Variants in MAJIN observed in about 807,000 individuals in gnomAD.
The protein encoded by MAJIN is membrane anchored junction protein.
MAJIN carries 27 observed loss-of-function variants against 30.2 expected under a neutral mutation model. The ratio of observed to expected loss-of-function variants is 0.89; its 90% CI spans 0.66 to 1.23. The LOEUF (loss-of-function observed/expected upper bound fraction) is 1.23. MAJIN is among the 50% of genes most tolerant of loss of function. The pLI is 0.00. For missense variants in MAJIN, 253 were observed against 260.3 expected, an observed-to-expected ratio of 0.97 and a Z score of 0.19; for synonymous variants, 78 against 91.6, an observed-to-expected ratio of 0.85 and a Z score of 0.85.
At chr11:64,942,270 T>C (rs981599450) in intron 8 of MAJIN, among the ~76,000 whole-genome samples, 2 of 152,030 alleles carry the variant, frequency 1.3e-5, no homozygotes, top group East Asian at 1.9e-4. Flanking sequence ...TTTTTTCCCG[T>C]TTTTTAGAAT....
At chr11:64,971,017 G>A (rs937279975) in intron 1 of MAJIN, among the ~76,000 whole-genome samples, 6 of 152,132 alleles carry the variant, frequency 3.9e-5, no homozygotes, top group African/African-American at 7.2e-5. Flanking sequence ...GGGTGTGGCC[G>A]GGCAAAGCGG....
chr11:64,965,983 A>G (rs2136823181), intron 1 of MAJIN, among the ~76,000 whole-genome samples: 1 of 151,340 alleles, frequency 6.6e-6, no homozygotes, highest in Non-Finnish European at 1.5e-5. Context: ...AATTCACATC[A>G]TGCTGAATTC....
chr11:64,948,633 ATATATATTTTTTTTTTTTTTTTTTTTTTT>A (rs1945497002), intron 6 of MAJIN, among the ~76,000 whole-genome samples: 2 of 38,340 alleles, frequency 5.2e-5, no homozygotes, highest in African/African-American at 3.6e-4. Context: ...ATATATATAT[ATATATATTTTTTTTTTTTTTTTTTTTTTT>A]TTTTTTTTTT....
intron 4 of MAJIN, among the ~76,000 whole-genome samples, chr11:64,951,178 T>C (rs1945545452): frequency 6.6e-6 from 1 of 152,358 alleles, no homozygotes; most frequent in South Asian, 2.1e-4. Flanking sequence ...CTATGGTGTC[T>C]ACCATCATGA....
chr11:64,943,955 G>C (rs1201801614), intron 8 of MAJIN, among the ~76,000 whole-genome samples: 3 of 152,190 alleles, frequency 2.0e-5, no homozygotes, highest in African/African-American at 7.2e-5. Context: ...ATCACTCAGT[G>C]GGCCAGCTGG....
At chr11:64,957,180 C>T (rs1945649737) in intron 3 of MAJIN, among the ~76,000 whole-genome samples, 3 of 151,860 alleles carry the variant, frequency 2.0e-5, no homozygotes, top group Non-Finnish European at 2.9e-5. Flanking sequence ...TGGGGCCAAC[C>T]GATTCCTCCT....
chr11:64,960,034 C>A (rs897340367), intron 2 of MAJIN, 55 bp downstream of exon 2: 1 of 152,298 alleles, frequency 6.6e-6, no homozygotes, highest in Non-Finnish European at 1.5e-5. Flanking sequence ...TCCTTTCCCC[C>A]ACTTGTGAGG....
chr11:64,947,589 A>T, intron 7 of MAJIN, 124 bp from the exon 8 acceptor site: 1 of 1,071,278 alleles, frequency 9.3e-7, no homozygotes, highest in Non-Finnish European at 1.4e-6. Context: ...CCAGCTTTGC[A>T]AGTAAGAATA....
chr11:64,938,261 G>A lies in MAJIN; in HGVS notation c.*314C>T. ...TTCATAAATAATTTATTGTCATTAG[G>A]ATCCTAAGTGCCGAAGACAAAAGGC... is the stretch of plus-strand genomic sequence containing the variant. On this transcript the variant is annotated 3_prime_UTR_variant, in exon 11 of 11. Transcript: ENST00000301896. The A allele has an allele frequency of 2.4e-6, 1 of 415,834 alleles. No homozygotes were observed. Among genetic ancestry groups the A allele is most frequent in the Non-Finnish European group, 4.4e-6 (1 of 225,484 alleles). 25.8% of individuals were successfully genotyped at this position (415,834 alleles called of 1,614,324 possible). A position where few individuals can be genotyped will look rare whatever the true frequency, so the allele number is the denominator to read the frequency against.
intron 10 of MAJIN, 45 bp downstream of exon 10, chr11:64,939,617 T>C (rs1265169253): frequency 1.3e-6 from 2 of 1,553,426 alleles, no homozygotes; most frequent in Admixed American, 1.7e-5. Context: ...AATGAGCCGC[T>C]CTGAGCTGGA....
intron 8 of MAJIN, among the ~76,000 whole-genome samples, chr11:64,941,316 G>A (rs77955531): frequency 0.046 from 6,955 of 152,252 alleles, 183 homozygotes; most frequent in Middle Eastern, 0.065. Flanking sequence ...AATTTACCTT[G>A]GAGAAATGTA....
intron 8 of MAJIN, among the ~76,000 whole-genome samples, chr11:64,940,961 C>T (rs1039222942): frequency 4.0e-5 from 6 of 151,304 alleles, no homozygotes; most frequent in African/African-American, 1.5e-4. Flanking sequence ...CCCTCAGCCT[C>T]CTGAGTAGCT....
At chr11:64,953,072 A>G (rs1313426193) in intron 4 of MAJIN, among the ~76,000 whole-genome samples, 1 of 152,196 alleles carries the variant, frequency 6.6e-6, no homozygotes, top group Non-Finnish European at 1.5e-5. Context: ...TGAGCATAAG[A>G]GAAAGATGCA....
chr11:64,969,688 G>A (rs1219538950), intron 1 of MAJIN, among the ~76,000 whole-genome samples: 2 of 151,476 alleles, frequency 1.3e-5, no homozygotes, highest in African/African-American at 4.9e-5. Flanking sequence ...AGGCAGGCAA[G>A]ACTCTGTCTT....
chr11:64,959,379 C>T lies in MAJIN; in HGVS notation c.27G>A (p.Pro9=), dbSNP rs142880411. 62 of 1,613,670 alleles carry T rather than the reference C, an allele frequency of 3.8e-5. No homozygotes were observed. Among genetic ancestry groups the T allele is most frequent in the Middle Eastern group, 1.6e-4 (1 of 6,084 alleles). MSLKPFTY[P]FPETRFLHAG... is the part of the protein sequence containing the mutation. Reference sequence around the variant, plus strand: ...CATGAAGAAACCTCGTCTCTGGAAACGGGTAGGTAAAGGGTTTTAAACTCA... The same window carrying T: ...CATGAAGAAACCTCGTCTCTGGAAATGGGTAGGTAAAGGGTTTTAAACTCA... The change falls in exon 3 of 11, where the codon CCG becomes CCA. Residue 9 remains proline (P), a synonymous_variant. Transcript: ENST00000301896.
rs1196525730 is a variant in MAJIN at position 64,970,361 on chromosome 11, CT to C, written c.-65+1515del. 1.2e-3 allele frequency among the ~76,000 whole-genome samples: 81 copies of C among 66,038 alleles called. 1 individual carries two copies. Among genetic ancestry groups the C allele is most frequent in the Non-Finnish European group, 1.5e-3 (52 of 34,294 alleles). The allele number at this position is 66,038 out of a possible 152,430, so 43.3% of individuals were successfully genotyped here. On this transcript the variant is annotated intron_variant, in intron 1 of 10. Coordinates refer to ENST00000301896, the MANE Select transcript of MAJIN (RefSeq NM_001037225.3). ...CTGGGGGACAAGAGCAAGACTCCGT[CT>C]TTTTTTTTTTTTTTTTTTTTTTGAG...
chr11:64,956,484 G>A (rs902045003), intron 3 of MAJIN, among the ~76,000 whole-genome samples: 13 of 151,478 alleles, frequency 8.6e-5, no homozygotes, highest in Non-Finnish European at 1.2e-4. Context: ...AGTGAAACAC[G>A]GTCTCAAAAC....
At chr11:64,958,929 G>A (rs897393399) in intron 3 of MAJIN, among the ~76,000 whole-genome samples, 3 of 152,092 alleles carry the variant, frequency 2.0e-5, no homozygotes, top group South Asian at 4.2e-4. Flanking sequence ...CCAGCCCTGA[G>A]ATGTAAAATT....
At position 64,947,348 on chromosome 11, in the gene MAJIN, C is replaced by T. The variant is rs538298585; in HGVS notation, c.473+26G>A. On this transcript the variant is annotated intron_variant, in intron 8 of 10. Transcript: ENST00000301896. The stretch of plus-strand genomic sequence containing the variant: ...GCAAAGCCTAACTAGGACGCAGGAG[C>T]GAGCCTCTCTCCCCACACCACTGAC... The T allele has an allele frequency of 2.0e-4, 320 of 1,578,002 alleles. 2 individuals are homozygous for T. The highest frequency in any genetic ancestry group is 1.8e-3 in the South Asian group (162 of 87,952).
Sources: gnomAD v4.1 joint callset for allele counts (sites outside exome capture counted in the v4.1 genomes callset) on GRCh38, gnomAD v4.1.1 for gene constraint, MANE v1.5 for transcripts, NCBI Gene and HGNC (gene_info 2026-07-23, HGNC 2026-07-21) for gene names.